DHRS9: variants seen among roughly 807,000 people sequenced by gnomAD.
The protein encoded by DHRS9 is dehydrogenase/reductase SDR family member 9.
In DHRS9, 18 loss-of-function variants were observed where a neutral mutation model predicts 26.6. The ratio of observed to expected loss-of-function variants is 0.68; its 90% CI spans 0.47 to 1.00. The LOEUF (loss-of-function observed/expected upper bound fraction) is 1.00, where lower values mean the gene tolerates loss of function less well. Among genes scored for constraint, DHRS9 ranks in the 50% least tolerant of loss-of-function variants. The pLI, the probability that DHRS9 is intolerant of heterozygous loss-of-function variation, is 0.00. For synonymous variants in DHRS9, 134 were observed against 141.1 expected (o/e 0.95, Z 0.36); for missense variants, 425 against 378.7 (o/e 1.12, Z -1.01).
In DHRS9 at chr2:169,083,507, T is replaced by G; in HGVS notation, c.492T>G (p.Ser164Arg). The part of the protein sequence containing the change: ...KAQGRVINVS[S>R]VGGRLAIVGG... ...AAGGGAGAGTTATTAATGTCTCCAG[T>G]GTTGGAGGTCGCCTTGCAATCGTTG... Residue 164 changes from serine to arginine, a missense_variant, in exon 3 of 5, where the codon AGT becomes AGG. Transcript: ENST00000674881. The G allele has an allele frequency of 1.2e-6, 2 of 1,614,114 alleles. No homozygotes were observed. Among genetic ancestry groups the G allele is most frequent in the Non-Finnish European group, 1.7e-6 (2 of 1,179,994 alleles).
intron 3 of DHRS9, among the ~76,000 whole-genome samples, chr2:169,090,779 G>A (rs183373211): frequency 6.6e-6 from 1 of 152,290 alleles, no homozygotes; most frequent in African/African-American, 2.4e-5. Context: ...TTACAATGGT[G>A]TGAAAGTGAG....
chr2:169,095,752 T>C lies in DHRS9; in HGVS notation c.945T>C (p.Asn315=). The C allele has an allele frequency of 6.2e-7, 1 of 1,613,656 alleles. No homozygotes were observed. Among genetic ancestry groups the C allele is most frequent in the Admixed American group, 1.7e-5 (1 of 59,942 alleles). Residue 315 remains asparagine (N), a synonymous_variant, in exon 5 of 5, where the codon AAT becomes AAC. Transcript: ENST00000674881. ...TGAAACAGAAAGCAGAGCTGGCTAA[T>C]CCCAAGGCAGTGTGACTCAGCTAAC... ...LLLKQKAELA[N]PKAV is the part of the protein sequence containing the mutation.
chr2:169,096,136 T>G lies in DHRS9; in HGVS notation c.*369T>G, dbSNP rs1309150234. On this transcript the variant is annotated 3_prime_UTR_variant, in exon 5 of 5. Transcript: ENST00000674881. ...ACTTGTGAATGTTAAGTATCATCTC[T>G]TATCTAAATATTAAAAGATAAGTCA... is the stretch of plus-strand genomic sequence containing the variant. The G allele has an allele frequency of 8.3e-6, 2 of 240,252 alleles. No individual in the cohort carries two copies. The highest frequency in any genetic ancestry group is 1.6e-5 in the Non-Finnish European group (2 of 121,678). The allele number at this position is 240,252 out of a possible 1,614,324, so 14.9% of individuals were successfully genotyped here. A position where few individuals can be genotyped will look rare whatever the true frequency, so the allele number is the denominator to read the frequency against.
At chr2:169,082,540 T>C (rs1258344745) in intron 2 of DHRS9, among the ~76,000 whole-genome samples, 1 of 152,200 alleles carries the variant, frequency 6.6e-6, no homozygotes, top group East Asian at 1.9e-4. Flanking sequence ...TTGCGATTTT[T>C]TTTCTAGCAC....
rs117306774 is a variant in DHRS9 at position 169,073,052 on chromosome 2, A to T, written c.-60+3335A>T. ...CCCCAGCGATTCAGAGGTCTCAAAG[A>T]TTAATCCAATTATCACTAGAACTCT... On this transcript the variant is annotated intron_variant, in intron 1 of 4. Coordinates refer to ENST00000674881, the MANE Select transcript of DHRS9 (RefSeq NM_001376924.1). Among the ~76,000 whole-genome samples, 60 of 152,372 alleles carry T rather than the reference A, an allele frequency of 3.9e-4. No individual in the cohort carries two copies. In the East Asian group the frequency reaches 0.011, roughly 28 times the overall value.
chr2:169,070,267 A>G (rs1683759553), intron 1 of DHRS9: 1 of 985,270 alleles, frequency 1.0e-6, no homozygotes. Context: ...AACAATTCAT[A>G]TTTGATCCCT....
intron 1 of DHRS9, chr2:169,072,647 TG>T: frequency 1.6e-5 from 16 of 985,466 alleles, no homozygotes; most frequent in Non-Finnish European, 1.9e-5. Flanking sequence ...TATTTTCCTT[TG>T]GCTGCTGACA....
chr2:169,084,472 T>A (rs1453994823), intron 3 of DHRS9, among the ~76,000 whole-genome samples: 1 of 152,196 alleles, frequency 6.6e-6, no homozygotes, highest in Non-Finnish European at 1.5e-5. Context: ...GTACGAGGAT[T>A]CCCTTTTCTC....
intron 3 of DHRS9, among the ~76,000 whole-genome samples, chr2:169,085,187 G>T (rs111406688): frequency 0.015 from 2,310 of 152,068 alleles, 66 homozygotes; most frequent in African/African-American, 0.053. Flanking sequence ...CTGTTCCATT[G>T]GTCTATGTGT....
intron 1 of DHRS9, among the ~76,000 whole-genome samples, chr2:169,076,188 G>T (rs1000837900): frequency 2.0e-5 from 3 of 152,106 alleles, no homozygotes; most frequent in Admixed American, 2.0e-4. Flanking sequence ...ATGGATTCAT[G>T]AATTCATATC....
At chr2:169,081,936 G>A (rs1684205628) in intron 2 of DHRS9, 42 bp downstream of exon 2, 1 of 1,528,690 alleles carries the variant, frequency 6.5e-7, no homozygotes, top group East Asian at 2.3e-5. Flanking sequence ...AGGGATAGGG[G>A]ATAGGGAGGT....
At chr2:169,071,752 A>G (rs977863248) in intron 1 of DHRS9, among the ~76,000 whole-genome samples, 13 of 152,172 alleles carry the variant, frequency 8.5e-5, no homozygotes, top group Admixed American at 7.9e-4. Context: ...GATAAATACC[A>G]ACTCAACTAT....
At chr2:169,080,828 C>T (rs1684159355) in intron 1 of DHRS9, among the ~76,000 whole-genome samples, 1 of 152,120 alleles carries the variant, frequency 6.6e-6, no homozygotes, top group African/African-American at 2.4e-5. Context: ...TGGTTTGGGA[C>T]ATGGTGCATT....
intron 2 of DHRS9, among the ~76,000 whole-genome samples, chr2:169,082,457 A>G (rs1047235277): frequency 2.6e-5 from 4 of 152,178 alleles, no homozygotes; most frequent in African/African-American, 9.7e-5. Context: ...AAGAATTTTT[A>G]TTGGCTTTGA....
chr2:169,081,432 A>C, intron 1 of DHRS9, 91 bp from the exon 2 acceptor site: 7 of 1,354,974 alleles, frequency 5.2e-6, no homozygotes, highest in Non-Finnish European at 6.8e-6. Flanking sequence ...TATCCACACT[A>C]ATGCATTAAA....
chr2:169,080,811 G>A (rs576748939), intron 1 of DHRS9, among the ~76,000 whole-genome samples: 1 of 152,180 alleles, frequency 6.6e-6, no homozygotes, highest in Non-Finnish European at 1.5e-5. Flanking sequence ...TTGGGGATGT[G>A]GGAGTCTGGT....
chr2:169,072,138 T>C (rs1683826683), intron 1 of DHRS9, among the ~76,000 whole-genome samples: 1 of 152,002 alleles, frequency 6.6e-6, no homozygotes, highest in Non-Finnish European at 1.5e-5. Context: ...ACAAGAGGCA[T>C]ACATGTTCAG....
chr2:169,094,403 C>T (rs1350152688), intron 4 of DHRS9, among the ~76,000 whole-genome samples: 1 of 152,056 alleles, frequency 6.6e-6, no homozygotes, highest in Non-Finnish European at 1.5e-5. Context: ...GTTTCCTTTG[C>T]TGTGCAGAAG....
At chr2:169,075,898 C>T (rs1466667512) in intron 1 of DHRS9, among the ~76,000 whole-genome samples, 3 of 152,026 alleles carry the variant, frequency 2.0e-5, no homozygotes, top group East Asian at 3.9e-4. Context: ...AGGTGGTATC[C>T]GTCAGATTTC....
Sources: allele counts gnomAD v4.1 joint callset (sites outside exome capture counted in the v4.1 genomes callset), GRCh38; gene constraint gnomAD v4.1.1; transcripts MANE v1.5; gene names NCBI Gene and HGNC (gene_info 2026-07-23, HGNC 2026-07-21).